Variants in FGGY observed in about 807,000 individuals in gnomAD.
FGGY encodes FGGY carbohydrate kinase domain containing, also known as FGGY carbohydrate kinase domain-containing protein.
Under a neutral mutation model 71.3 loss-of-function variants are expected in FGGY, and 72 were observed. The observed-to-expected ratio is 1.01, with a 90% CI of 0.84 to 1.23. The LOEUF (loss-of-function observed/expected upper bound fraction) is 1.23, where lower values mean the gene tolerates loss of function less well. Ranked by LOEUF, FGGY falls within the 50% of genes most tolerant of loss-of-function variation. FGGY has a pLI of 0.00. For synonymous variants in FGGY, 251 were observed against 250.3 expected (o/e 1.00, Z -0.02); for missense variants, 668 against 682.3 (o/e 0.98, Z 0.23).
chr1:59,369,454 T>TGGGG lies in FGGY; in HGVS notation c.466-9294_466-9293insGGGG. On this transcript the variant is annotated intron_variant, in intron 4 of 15. Transcript: ENST00000303721. Reference sequence around the variant, plus strand: ...CCACCACAGCTCAAGGAGGCCTGCCTGCCTCTGTAGGCTCCACCTCTGGGG... The same window carrying TGGGG: ...CCACCACAGCTCAAGGAGGCCTGCCTGGGGGCCTCTGTAGGCTCCACCTCTGGGG... Among the ~76,000 whole-genome samples, 3 of 152,336 alleles carry TGGGG rather than the reference T, an allele frequency of 2.0e-5. No homozygotes were observed. In the East Asian group the frequency reaches 5.8e-4, roughly 29 times the overall value.
At chr1:59,313,015 G>T (rs1183932858) in intron 1 of FGGY, among the ~76,000 whole-genome samples, 1 of 152,152 alleles carries the variant, frequency 6.6e-6, no homozygotes, top group Admixed American at 6.5e-5. Flanking sequence ...TCAGTAAAGA[G>T]CATAAGGATC....
intron 11 of FGGY, among the ~76,000 whole-genome samples, chr1:59,645,206 C>T (rs768482732): frequency 6.6e-5 from 10 of 152,178 alleles, no homozygotes; most frequent in Non-Finnish European, 1.2e-4. Context: ...CTGATCTGCT[C>T]ATGAGGAAGC....
rs182722825 is a variant in FGGY, at chr1:59,585,960, T to C, written c.904-21843T>C. On this transcript the variant is annotated intron_variant, in intron 8 of 15. Coordinates refer to ENST00000303721, the MANE Select transcript of FGGY (RefSeq NM_018291.5). ...AGAAAAATGCAAATCAAAACCACAA[T>C]GAGATACCATCTCACACCAGTTAGA... Among the ~76,000 whole-genome samples the C allele has an allele frequency of 2.4e-4, 37 of 152,242 alleles. No individual in the cohort carries two copies. The East Asian group carries it at 6.6e-3, about 27-fold the overall frequency.
chr1:59,315,364 C>A (rs1050165747), intron 1 of FGGY, among the ~76,000 whole-genome samples: 2 of 151,934 alleles, frequency 1.3e-5, no homozygotes, highest in African/African-American at 4.8e-5. Flanking sequence ...ACTGCCAGTT[C>A]AGTTTCCTCC....
At chr1:59,600,181 A>G (rs1487116313) in intron 8 of FGGY, among the ~76,000 whole-genome samples, 1 of 152,184 alleles carries the variant, frequency 6.6e-6, no homozygotes, top group Non-Finnish European at 1.5e-5. Context: ...CGTAGTGGCA[A>G]TAGTTGGAAA....
At position 59,472,658 on chromosome 1, in the gene FGGY, T is replaced by A. The variant is rs546305246; in HGVS notation, c.670+15582T>A. Among the ~76,000 whole-genome samples, 8 of 152,200 alleles carry A rather than the reference T, an allele frequency of 5.3e-5. No individual in the cohort carries two copies. The South Asian group carries it at 1.5e-3, about 28-fold the overall frequency. On this transcript the variant is annotated intron_variant, in intron 6 of 15. Transcript: ENST00000303721. ...TTTGTAAACACACCAATCGGCACCC[T>A]GTGTCTAGCTCAGGGTTTGCGAATG...
intron 15 of FGGY, among the ~76,000 whole-genome samples, chr1:59,759,726 A>G (rs989436487): frequency 7.2e-5 from 11 of 152,198 alleles, no homozygotes; most frequent in African/African-American, 2.7e-4. Flanking sequence ...AATAGATCAC[A>G]CTGTTAACGA....
At chr1:59,397,979 T>G (rs2061518449) in intron 5 of FGGY, among the ~76,000 whole-genome samples, 1 of 152,158 alleles carries the variant, frequency 6.6e-6, no homozygotes, top group African/African-American at 2.4e-5. Context: ...GATCAAGAAC[T>G]TGATATTTTC....
intron 2 of FGGY, among the ~76,000 whole-genome samples, chr1:59,322,266 CA>C (rs1165783929): frequency 6.7e-6 from 1 of 149,762 alleles, no homozygotes; most frequent in Non-Finnish European, 1.5e-5. Context: ...AGTCTGACTC[CA>C]GAGGTGCGCT....
At chr1:59,446,870 A>G (rs2071395762) in intron 5 of FGGY, among the ~76,000 whole-genome samples, 1 of 152,206 alleles carries the variant, frequency 6.6e-6, no homozygotes, top group Non-Finnish European at 1.5e-5. Flanking sequence ...AGCTGCGTAT[A>G]AATAATGCAG....
chr1:59,704,398 A>G (rs2097736518), intron 14 of FGGY, among the ~76,000 whole-genome samples: 1 of 152,164 alleles, frequency 6.6e-6, no homozygotes, highest in Non-Finnish European at 1.5e-5. Flanking sequence ...TAAAAGCAAA[A>G]GGCACAAACC....
intron 7 of FGGY, among the ~76,000 whole-genome samples, chr1:59,535,515 T>G (rs1404500615): frequency 6.6e-6 from 1 of 152,152 alleles, no homozygotes; most frequent in East Asian, 1.9e-4. Context: ...CCACCCCAAA[T>G]CAACAGAATA....
intron 14 of FGGY, among the ~76,000 whole-genome samples, chr1:59,690,493 T>C (rs370199306): frequency 4.6e-5 from 7 of 152,326 alleles, no homozygotes; most frequent in African/African-American, 1.7e-4. Flanking sequence ...ATAAAGCTCC[T>C]TTGGGAAACT....
intron 4 of FGGY, among the ~76,000 whole-genome samples, chr1:59,358,690 C>T (rs1341265102): frequency 6.6e-6 from 1 of 152,156 alleles, no homozygotes; most frequent in Non-Finnish European, 1.5e-5. Flanking sequence ...GATTGTTACA[C>T]TTGGGAAGGC....
intron 6 of FGGY, among the ~76,000 whole-genome samples, chr1:59,507,203 A>G (rs1415638101): frequency 3.3e-5 from 5 of 152,206 alleles, no homozygotes; most frequent in African/African-American, 7.2e-5. Context: ...CATCGGCCTT[A>G]TTTGAACAGA....
At chr1:59,404,373 A>AG (rs1465904398) in intron 5 of FGGY, among the ~76,000 whole-genome samples, 5 of 152,190 alleles carry the variant, frequency 3.3e-5, no homozygotes, top group African/African-American at 9.7e-5. Context: ...AGAAAAAAAA[A>AG]TACATTTTTT....
At chr1:59,575,124 A>C (rs1460252394) in intron 8 of FGGY, among the ~76,000 whole-genome samples, 1 of 152,202 alleles carries the variant, frequency 6.6e-6, no homozygotes, top group African/African-American at 2.4e-5. Flanking sequence ...GAGAACATTT[A>C]AAATCTACTC....
intron 11 of FGGY, among the ~76,000 whole-genome samples, chr1:59,653,106 G>A (rs576350225): frequency 1.3e-4 from 20 of 152,068 alleles, no homozygotes; most frequent in South Asian, 1.0e-3. Context: ...GGCAGTCTGC[G>A]GGTTCTCAGA....
intron 9 of FGGY, among the ~76,000 whole-genome samples, chr1:59,613,463 C>T (rs2096713389): frequency 6.6e-6 from 1 of 152,104 alleles, no homozygotes; most frequent in Admixed American, 6.6e-5. Context: ...AACAAAGACA[C>T]AACATACCAG....
Sources: allele counts gnomAD v4.1 joint callset (sites outside exome capture counted in the v4.1 genomes callset), GRCh38; gene constraint gnomAD v4.1.1; transcripts MANE v1.5; gene names NCBI Gene and HGNC (gene_info 2026-07-23, HGNC 2026-07-21).